The following SMOC1 variants were observed in gnomAD, a reference collection of about 807,000 sequenced individuals.
SMOC1 encodes the protein SPARC related modular calcium binding 1, also known as SPARC-related modular calcium-binding protein 1.
In SMOC1, 22 loss-of-function variants were observed where a neutral mutation model predicts 56.3. The observed-to-expected ratio is 0.39, with a 90% CI of 0.28 to 0.56. The LOEUF is 0.56. Ranked by LOEUF, SMOC1 falls within the 20% of genes least tolerant of loss-of-function variation. The pLI is 0.61. For synonymous variants in SMOC1, 193 were observed against 215.0 expected (o/e 0.90, Z 0.89); for missense variants, 509 against 565.4 (o/e 0.90, Z 1.01).
intron 5 of SMOC1, among the ~76,000 whole-genome samples, chr14:69,983,044 T>G (rs1884237417): frequency 6.6e-6 from 1 of 152,194 alleles, no homozygotes; most frequent in Non-Finnish European, 1.5e-5. Context: ...TGCTCACACA[T>G]GTACCATGTC....
chr14:69,904,399 G>A (rs1198212489), intron 1 of SMOC1, among the ~76,000 whole-genome samples: 1 of 152,178 alleles, frequency 6.6e-6, no homozygotes, highest in African/African-American at 2.4e-5. Context: ...GCTCATGTTT[G>A]TGTAACTTAT....
At chr14:70,011,444 G>T in intron 8 of SMOC1, 41 bp from the exon 9 acceptor site, 1 of 1,514,332 alleles carries the variant, frequency 6.6e-7, no homozygotes, top group Non-Finnish European at 9.1e-7. Context: ...AGGCTCAGTT[G>T]CCAGCCCCTC....
intron 1 of SMOC1, among the ~76,000 whole-genome samples, chr14:69,895,219 C>T (rs866974082): frequency 6.6e-6 from 1 of 152,330 alleles, no homozygotes. Context: ...GTCCTTGCCA[C>T]CTGACTATGC....
chr14:69,965,792 A>G (rs1055060855), intron 3 of SMOC1, among the ~76,000 whole-genome samples: 14 of 152,240 alleles, frequency 9.2e-5, no homozygotes, highest in African/African-American at 2.9e-4. Context: ...CTAGGCACAC[A>G]GTAGGCCCAC....
At position 69,943,868 on chromosome 14, in the gene SMOC1, G is replaced by A. The variant is rs114258854; in HGVS notation, c.100-8270G>A. ...GCAACTACTATAGACCCAAACCACT[G>A]TTGCCAGAGCTGACAGCAAAGCCCT... On this transcript the variant is annotated intron_variant, in intron 1 of 11. Coordinates refer to ENST00000361956, the MANE Select transcript of SMOC1 (RefSeq NM_001034852.3). Among the ~76,000 whole-genome samples the A allele has an allele frequency of 3.2e-3, 481 of 152,304 alleles. 1 individual carries two copies. Among genetic ancestry groups the A allele is most frequent in the African/African-American group, 0.011 (460 of 41,548 alleles).
At chr14:69,994,102 C>G (rs999487049) in intron 6 of SMOC1, 12 of 454,252 alleles carry the variant, frequency 2.6e-5, no homozygotes, top group Non-Finnish European at 4.9e-5. Context: ...TTGGCTTGGC[C>G]CATGTTCCTT....
chr14:69,972,129 C>G (rs1883782641), intron 3 of SMOC1, among the ~76,000 whole-genome samples: 1 of 152,106 alleles, frequency 6.6e-6, no homozygotes, highest in Non-Finnish European at 1.5e-5. Flanking sequence ...TACAGACAGA[C>G]CGAGGCTTAG....
intron 1 of SMOC1, among the ~76,000 whole-genome samples, chr14:69,935,246 C>T (rs1426405217): frequency 1.3e-5 from 2 of 152,198 alleles, no homozygotes; most frequent in Non-Finnish European, 2.9e-5. Context: ...GGTAAAGCAA[C>T]CTCTATTTTA....
intron 1 of SMOC1, among the ~76,000 whole-genome samples, chr14:69,921,428 G>C (rs1412878819): frequency 6.6e-6 from 1 of 152,208 alleles, no homozygotes; most frequent in Non-Finnish European, 1.5e-5. Flanking sequence ...ATTGAATGTT[G>C]AGTTCTTCCC....
intron 11 of SMOC1, 96 bp downstream of exon 11, chr14:70,023,543 A>C: frequency 7.8e-6 from 12 of 1,533,956 alleles, no homozygotes; most frequent in African/African-American, 1.4e-5. Context: ...CCAGATACTC[A>C]TCTATTCATC....
chr14:70,010,027 C>T (rs1038877804), intron 7 of SMOC1, among the ~76,000 whole-genome samples: 10 of 152,142 alleles, frequency 6.6e-5, no homozygotes, highest in Non-Finnish European at 1.3e-4. Flanking sequence ...CTGTCTCAGC[C>T]GGGGACTGGC....
intron 1 of SMOC1, among the ~76,000 whole-genome samples, chr14:69,933,158 C>T (rs77681411): frequency 0.018 from 2,767 of 152,234 alleles, 38 homozygotes; most frequent in Non-Finnish European, 0.025. Context: ...TACATCTTTA[C>T]GATATAGTTT....
chr14:69,938,206 T>G (rs1484587686), intron 1 of SMOC1, among the ~76,000 whole-genome samples: 1 of 152,156 alleles, frequency 6.6e-6, no homozygotes, highest in Non-Finnish European at 1.5e-5. Flanking sequence ...CTCCATTTTG[T>G]TATTACAGAG....
rs185426050 is a variant in SMOC1 at position 69,914,645 on chromosome 14, C to T, written c.99+34868C>T. 5.3e-5 allele frequency among the ~76,000 whole-genome samples: 8 copies of T among 152,244 alleles called. No homozygotes were observed. The East Asian group carries it at 5.8e-4, about 11-fold the overall frequency. ...GTCTGGTGAAGTAGCCATTATCATG[C>T]GAGAAGATGCCCAGTGACCAGAGAT... On this transcript the variant is annotated intron_variant, in intron 1 of 11. Transcript: ENST00000361956.
At chr14:69,929,218 C>G (rs1002134762) in intron 1 of SMOC1, among the ~76,000 whole-genome samples, 23 of 152,162 alleles carry the variant, frequency 1.5e-4, no homozygotes, top group Non-Finnish European at 7.4e-5. Context: ...TTTGCTGAAG[C>G]CTTTCCCTTC....
chr14:69,969,131 C>T (rs1480931338), intron 3 of SMOC1, among the ~76,000 whole-genome samples: 1 of 152,222 alleles, frequency 6.6e-6, no homozygotes, highest in Non-Finnish European at 1.5e-5. Flanking sequence ...TGAAAAAATA[C>T]AGCAAGGCCT....
chr14:69,884,653 G>A (rs138325739), intron 1 of SMOC1, among the ~76,000 whole-genome samples: 4 of 152,220 alleles, frequency 2.6e-5, no homozygotes, highest in African/African-American at 9.6e-5. Context: ...TCTGCATGTG[G>A]ATATCCAGTT....
rs566793839 is a variant in SMOC1 at position 69,964,448 on chromosome 14, G to A, written c.378+10916G>A. On this transcript the variant is annotated intron_variant, in intron 3 of 11. Coordinates refer to ENST00000361956, the MANE Select transcript of SMOC1 (RefSeq NM_001034852.3). ...GCTGGAGTGTAGTGGCGCGATCTTG[G>A]CTCACTGCAAGCTCCACCTCCTGGG... 1.4e-3 allele frequency among the ~76,000 whole-genome samples: 209 copies of A among 151,434 alleles called. 2 individuals carry two copies. In the Middle Eastern group the frequency reaches 0.034, roughly 25 times the overall value.
chr14:69,918,581 C>A (rs1884749495), intron 1 of SMOC1, among the ~76,000 whole-genome samples: 1 of 152,150 alleles, frequency 6.6e-6, no homozygotes, highest in Non-Finnish European at 1.5e-5. Context: ...GGATTCAACT[C>A]CTGGATCCAT....
Sources: allele counts gnomAD v4.1 joint callset (sites outside exome capture counted in the v4.1 genomes callset), GRCh38; gene constraint gnomAD v4.1.1; transcripts MANE v1.5; gene names NCBI Gene and HGNC (gene_info 2026-07-23, HGNC 2026-07-21).